The following ARHGEF10L variants were observed in gnomAD, a reference collection of about 807,000 sequenced individuals.
The protein encoded by ARHGEF10L is Rho guanine nucleotide exchange factor 10 like.
Under a neutral mutation model 141.2 loss-of-function variants are expected in ARHGEF10L, and 69 were observed. That is an observed-to-expected ratio of 0.49 (90% CI 0.40 to 0.60). The LOEUF is 0.60. ARHGEF10L is among the 20% of genes least tolerant of loss of function. The pLI is 0.00. For synonymous variants in ARHGEF10L, 711 were observed against 718.5 expected (o/e 0.99, Z 0.17); for missense variants, 1,482 against 1,734.3 (o/e 0.85, Z 2.58).
rs1395812006 is a variant in ARHGEF10L, at chr1:17,695,192, C to A, written c.3219C>A (p.Ile1073=). 4 of 1,612,906 alleles carry A rather than the reference C, an allele frequency of 2.5e-6. No individual in the cohort carries two copies. Among genetic ancestry groups the A allele is most frequent in the Non-Finnish European group, 3.4e-6 (4 of 1,179,972 alleles). The change falls in exon 28 of 29, where the codon ATC becomes ATA. Residue 1073 remains isoleucine, a synonymous_variant. Coordinates refer to ENST00000361221, the MANE Select transcript of ARHGEF10L (RefSeq NM_018125.4). ...ACTTGTGTGTCACCAGCCTCCTGAT[C>A]TGCCAGGGTCTGCTCTGGGTGGGCA... is the stretch of plus-strand genomic sequence containing the variant. ...QKHLCVTSLL[I]CQGLLWVGTD...
chr1:17,639,825 C>T lies in ARHGEF10L; in HGVS notation c.2172-377C>T. The T allele has an allele frequency of 7.5e-7, 1 of 1,330,988 alleles. No individual in the cohort carries two copies. Among genetic ancestry groups the T allele is most frequent in the East Asian group, 4.7e-5 (1 of 21,278 alleles). The allele number at this position is 1,330,988 out of a possible 1,614,324, so 82.4% of individuals were successfully genotyped here. A position where few individuals can be genotyped will look rare whatever the true frequency, so the allele number is the denominator to read the frequency against. On this transcript the variant is annotated intron_variant, in intron 20 of 28. Coordinates refer to ENST00000361221, the MANE Select transcript of ARHGEF10L (RefSeq NM_018125.4). The surrounding 1 kb of genome is among the most constrained non-coding windows in gnomAD (Gnocchi z 4.3). ...CAGACCCAAGTGAGACCCATTCCTC[C>T]CTCTAGAGGCACGTGGTCAGACATG...
At position 17,634,853 on chromosome 1, in the gene ARHGEF10L, C is replaced by T; in HGVS notation, c.1764C>T (p.Ser588=). The T allele has an allele frequency of 6.2e-7, 1 of 1,613,532 alleles. No homozygotes were observed. Among genetic ancestry groups the T allele is most frequent in the Non-Finnish European group, 8.5e-7 (1 of 1,179,726 alleles). Residue 588 remains serine (S), a synonymous_variant, in exon 18 of 29, where the codon AGC becomes AGT. Transcript: ENST00000361221. ...PANHRGQLEI[S]SLVPLGPKYV... ...CCAACAGGGGCCAGCTGGAGATCAG[C>T]AGCCTGGTGCCCCTGGGGCCCAAGT...
chr1:17,518,817 A>G, the ARHGEF10L span, among the ~76,000 whole-genome samples: 1 of 117,390 alleles, frequency 8.5e-6, no homozygotes, highest in Non-Finnish European at 1.8e-5. Context: ...AAAAAAAAAA[A>G]AAAAAAAAGA....
At chr1:17,585,185 C>T (rs1415073442) in intron 2 of ARHGEF10L, among the ~76,000 whole-genome samples, 1 of 152,172 alleles carries the variant, frequency 6.6e-6, no homozygotes, top group Non-Finnish European at 1.5e-5. Flanking sequence ...GAACTGCGTC[C>T]GAAAACCACA....
intron 1 of ARHGEF10L, among the ~76,000 whole-genome samples, chr1:17,565,614 C>CT (rs1404061703): frequency 6.6e-6 from 1 of 152,154 alleles, no homozygotes; most frequent in Non-Finnish European, 1.5e-5. Flanking sequence ...CCTTCTGGAC[C>CT]GCCAGTGGCT....
In ARHGEF10L at chr1:17,683,175, G is replaced by C. The variant is rs1174404658; in HGVS notation, c.3010-4398G>C. On this transcript the variant is annotated intron_variant, in intron 26 of 28. Coordinates refer to ENST00000361221, the MANE Select transcript of ARHGEF10L (RefSeq NM_018125.4). Reference sequence around the variant, plus strand: ...CTCACTGCCCCCTGCTCTCACCGTGGTGCTCACTGCCCCCTGCTCTCACCG... The same window carrying C: ...CTCACTGCCCCCTGCTCTCACCGTGCTGCTCACTGCCCCCTGCTCTCACCG... Among the ~76,000 whole-genome samples, 2 of 134,152 alleles carry C rather than the reference G, an allele frequency of 1.5e-5. 1 individual carries two copies. Among genetic ancestry groups the C allele is most frequent in the Non-Finnish European group, 3.2e-5 (2 of 62,284 alleles). 88.0% of individuals were successfully genotyped at this position (134,152 alleles called of 152,430 possible).
chr1:17,524,364 T>TACACACACACACACACACACAC, the ARHGEF10L span, among the ~76,000 whole-genome samples: 1 of 116,030 alleles, frequency 8.6e-6, no homozygotes, highest in African/African-American at 3.4e-5. Context: ...ACCCCGTCTC[T>TACACACACACACACACACACAC]ACACACACAC....
At chr1:17,677,204 G>T (rs943006734) in intron 26 of ARHGEF10L, among the ~76,000 whole-genome samples, 2 of 152,172 alleles carry the variant, frequency 1.3e-5, no homozygotes, top group Non-Finnish European at 2.9e-5. Context: ...TGTGCCGGGG[G>T]CTCAGCCAGG....
chr1:17,583,607 G>T (rs1045046065), intron 2 of ARHGEF10L, among the ~76,000 whole-genome samples: 7 of 152,108 alleles, frequency 4.6e-5, no homozygotes, highest in Non-Finnish European at 1.0e-4. Context: ...TCATCCAGCT[G>T]GTACCTGGGT....
chr1:17,634,253 T>G, intron 16 of ARHGEF10L: 1 of 526,886 alleles, frequency 1.9e-6, no homozygotes, highest in Non-Finnish European at 3.4e-6. Context: ...AGTGGCCCGG[T>G]TTTGGGGAAT....
At chr1:17,666,969 A>T (rs1438116107) in intron 26 of ARHGEF10L, among the ~76,000 whole-genome samples, 2 of 149,452 alleles carry the variant, frequency 1.3e-5, no homozygotes, top group Non-Finnish European at 1.5e-5. Context: ...GGGTCCTCTG[A>T]CCCATCTGGG....
At chr1:17,588,149 C>T (rs1055133522) in intron 3 of ARHGEF10L, among the ~76,000 whole-genome samples, 5 of 147,884 alleles carry the variant, frequency 3.4e-5, no homozygotes, top group Non-Finnish European at 7.5e-5. Flanking sequence ...TTGGGGACAG[C>T]GGGCTCCTGG....
intron 1 of ARHGEF10L, among the ~76,000 whole-genome samples, chr1:17,546,478 G>C (rs1476590277): frequency 1.3e-5 from 2 of 152,206 alleles, no homozygotes; most frequent in East Asian, 3.9e-4. Flanking sequence ...CCTATTTTCC[G>C]ATCTTATCGA....
intron 1 of ARHGEF10L, among the ~76,000 whole-genome samples, chr1:17,555,837 C>T (rs34331297): frequency 0.014 from 2,059 of 152,114 alleles, 53 homozygotes; most frequent in African/African-American, 0.047. Flanking sequence ...TGCTTTACAG[C>T]GGGAGCCTTC....
At chr1:17,610,524 G>A (rs1037178681) in intron 7 of ARHGEF10L, among the ~76,000 whole-genome samples, 4 of 152,206 alleles carry the variant, frequency 2.6e-5, no homozygotes, top group African/African-American at 4.8e-5. Flanking sequence ...AGGAGGTTGC[G>A]GAGGGCTTTT....
intron 27 of ARHGEF10L, chr1:17,691,072 T>A (rs918022402): frequency 2.2e-6 from 1 of 448,946 alleles, no homozygotes; most frequent in African/African-American, 2.0e-5. Flanking sequence ...CATACTCGAC[T>A]GGTATTAATG....
chr1:17,696,169 C>T (rs549909376), intron 28 of ARHGEF10L, among the ~76,000 whole-genome samples: 2 of 150,628 alleles, frequency 1.3e-5, no homozygotes, highest in Admixed American at 6.6e-5. Flanking sequence ...GCCGAGATTG[C>T]GCCATTGCAC....
In ARHGEF10L at chr1:17,672,330, C is replaced by G. The variant is rs186952122; in HGVS notation, c.3009+7735C>G. ...TGCATCACTGGGCTGTATTAGTTTT[C>G]TGTCTCCTATCTTATTTATGACATG... On this transcript the variant is annotated intron_variant, in intron 26 of 28. Coordinates refer to ENST00000361221, the MANE Select transcript of ARHGEF10L (RefSeq NM_018125.4). 3.0e-3 allele frequency among the ~76,000 whole-genome samples: 459 copies of G among 152,276 alleles called. 6 individuals carry two copies. The highest frequency in any genetic ancestry group is 0.029 in the East Asian group (148 of 5,188).
chr1:17,637,725 C>T (rs959910957), intron 18 of ARHGEF10L, among the ~76,000 whole-genome samples, 163 bp from the exon 19 acceptor site: 45 of 152,292 alleles, frequency 3.0e-4, no homozygotes, highest in Admixed American at 1.3e-4. Context: ...AGGATGGTCT[C>T]GATCTCCTGA....
Sources: allele counts gnomAD v4.1 joint callset (sites outside exome capture counted in the v4.1 genomes callset), GRCh38; gene constraint gnomAD v4.1.1; non-coding constraint Gnocchi (gnomAD v3.1); transcripts MANE v1.5; gene names NCBI Gene and HGNC (gene_info 2026-07-23, HGNC 2026-07-21).